Variants in PTPRD observed in about 807,000 individuals in gnomAD.
The protein encoded by PTPRD is protein tyrosine phosphatase receptor type D.
In PTPRD, 34 loss-of-function variants were observed where a neutral mutation model predicts 214.5. The observed-to-expected ratio is 0.16, with a 90% CI of 0.12 to 0.21. The LOEUF is 0.21. PTPRD is among the 10% of genes least tolerant of loss of function. The probability of loss-of-function intolerance (pLI) is 1.00; values close to 1 mark genes in which losing one functional copy is unlikely to be tolerated. For missense variants in PTPRD, 2,545 were observed against 2,398.7 expected, an observed-to-expected ratio of 1.06 and a Z score of -1.27; for synonymous variants, 1,128 against 845.7, an observed-to-expected ratio of 1.33 and a Z score of -5.79.
At chr9:8,649,032 A>T (rs937525837) in intron 12 of PTPRD, among the ~76,000 whole-genome samples, 1 of 152,236 alleles carries the variant, frequency 6.6e-6, no homozygotes, top group African/African-American at 2.4e-5. Flanking sequence ...GGCTTATTTG[A>T]AAAGGAACAT....
intron 10 of PTPRD, among the ~76,000 whole-genome samples, chr9:9,035,197 C>G (rs1160060801): frequency 1.3e-5 from 2 of 152,164 alleles, no homozygotes; most frequent in African/African-American, 4.8e-5. Flanking sequence ...AAATCTTTGC[C>G]TAGTGTAAGG....
At chr9:8,763,083 C>T (rs985131168) in intron 11 of PTPRD, among the ~76,000 whole-genome samples, 4 of 152,142 alleles carry the variant, frequency 2.6e-5, no homozygotes, top group African/African-American at 7.2e-5. Flanking sequence ...GGAGTAGCCA[C>T]TGAAAAATCA....
intron 5 of PTPRD, among the ~76,000 whole-genome samples, chr9:9,787,645 G>A (rs2098935040): frequency 6.6e-6 from 1 of 151,774 alleles, no homozygotes; most frequent in Non-Finnish European, 1.5e-5. Context: ...CCAATAAGGT[G>A]GATAAAGGAA....
At chr9:9,173,784 C>T (rs962211115) in intron 10 of PTPRD, among the ~76,000 whole-genome samples, 1 of 152,088 alleles carries the variant, frequency 6.6e-6, no homozygotes. Flanking sequence ...TAAATCTCAC[C>T]TCTGCTCGTC....
At chr9:9,089,506 A>C (rs2099772408) in intron 10 of PTPRD, among the ~76,000 whole-genome samples, 1 of 152,190 alleles carries the variant, frequency 6.6e-6, no homozygotes, top group Non-Finnish European at 1.5e-5. Context: ...AGTTAGAATA[A>C]ATGCTCCATG....
At chr9:10,071,708 G>C (rs1041315822) in intron 3 of PTPRD, among the ~76,000 whole-genome samples, 2 of 151,910 alleles carry the variant, frequency 1.3e-5, no homozygotes, top group African/African-American at 4.8e-5. Flanking sequence ...AAATTTATGT[G>C]ACTTGATTTG....
At chr9:9,614,410 GA>G (rs1181039278) in intron 7 of PTPRD, among the ~76,000 whole-genome samples, 12 of 151,870 alleles carry the variant, frequency 7.9e-5, no homozygotes, top group African/African-American at 4.8e-5. Context: ...TTTAAATGAG[GA>G]AAAAATAAGC....
chr9:10,157,511 C>T (rs532890793), intron 3 of PTPRD, among the ~76,000 whole-genome samples: 1 of 152,158 alleles, frequency 6.6e-6, no homozygotes, highest in Non-Finnish European at 1.5e-5. Context: ...GTGTTAGTCT[C>T]ACGGGCTTCC....
intron 7 of PTPRD, among the ~76,000 whole-genome samples, chr9:9,668,320 T>C (rs1318451220): frequency 6.6e-6 from 1 of 152,172 alleles, no homozygotes; most frequent in Non-Finnish European, 1.5e-5. Context: ...TCGCATTTCC[T>C]CTCCAGAAAT....
At chr9:9,247,694 G>T (rs984309903) in intron 9 of PTPRD, among the ~76,000 whole-genome samples, 4 of 151,994 alleles carry the variant, frequency 2.6e-5, no homozygotes, top group African/African-American at 9.7e-5. Context: ...ATCTCCAGCA[G>T]GGAGTCACCT....
chr9:8,621,333 G>A (rs188142296), intron 14 of PTPRD, among the ~76,000 whole-genome samples: 31 of 152,110 alleles, frequency 2.0e-4, no homozygotes, highest in Admixed American at 9.8e-4. Flanking sequence ...CCAGGCTTGT[G>A]TAAAAGACAT....
chr9:8,737,648 G>A (rs2090786291), intron 11 of PTPRD, among the ~76,000 whole-genome samples: 1 of 151,958 alleles, frequency 6.6e-6, no homozygotes, highest in African/African-American at 2.4e-5. Flanking sequence ...ATTTTTATAT[G>A]TTCTGCTCCT....
intron 3 of PTPRD, among the ~76,000 whole-genome samples, chr9:10,100,397 C>T (rs1383865906): frequency 6.6e-6 from 1 of 151,644 alleles, no homozygotes; most frequent in Non-Finnish European, 1.5e-5. Flanking sequence ...AGTCTAGTTG[C>T]AAAGCCTACT....
chr9:9,584,807 C>T (rs917072931), intron 7 of PTPRD, among the ~76,000 whole-genome samples: 5 of 151,934 alleles, frequency 3.3e-5, no homozygotes, highest in African/African-American at 7.2e-5. Context: ...AATGTCAAGG[C>T]TTATCTCTCT....
At chr9:10,600,086 ATTAC>A (rs2077583550) in intron 2 of PTPRD, among the ~76,000 whole-genome samples, 2 of 151,790 alleles carry the variant, frequency 1.3e-5, no homozygotes, top group South Asian at 2.1e-4. Flanking sequence ...TTGTAATTGT[ATTAC>A]TTACTTTATT....
intron 10 of PTPRD, among the ~76,000 whole-genome samples, chr9:9,123,233 A>G (rs187928918): frequency 6.6e-6 from 1 of 152,202 alleles, no homozygotes; most frequent in South Asian, 2.1e-4. Flanking sequence ...GTGCCATGTC[A>G]CTCCAACTCA....
chr9:10,181,223 A>T (rs1393134086), intron 3 of PTPRD, among the ~76,000 whole-genome samples: 1 of 152,154 alleles, frequency 6.6e-6, no homozygotes, highest in Admixed American at 6.5e-5. Flanking sequence ...ATATAATTTT[A>T]TATGAGCAAT....
intron 2 of PTPRD, among the ~76,000 whole-genome samples, chr9:10,503,342 A>G (rs2044558078): frequency 6.6e-6 from 1 of 151,968 alleles, no homozygotes; most frequent in African/African-American, 2.4e-5. Flanking sequence ...GTTCGTTTTT[A>G]AGATTATAAG....
At chr9:9,500,886 T>A (rs1325331600) in intron 8 of PTPRD, among the ~76,000 whole-genome samples, 1 of 152,080 alleles carries the variant, frequency 6.6e-6, no homozygotes, top group Non-Finnish European at 1.5e-5. Context: ...GACTTATTAC[T>A]GTTTTTATAC....
Sources: allele counts gnomAD v4.1 joint callset (sites outside exome capture counted in the v4.1 genomes callset), GRCh38; gene constraint gnomAD v4.1.1; transcripts MANE v1.5; gene names NCBI Gene and HGNC (gene_info 2026-07-23, HGNC 2026-07-21).